Variants in KLF8 observed in about 807,000 individuals in gnomAD.
KLF8 encodes the protein KLF transcription factor 8.
Under a neutral mutation model 18.2 loss-of-function variants are expected in KLF8, and 10 were observed. The ratio of observed to expected loss-of-function variants is 0.55; its 90% CI spans 0.34 to 0.93. The LOEUF is 0.93. Among genes scored for constraint, KLF8 ranks in the 40% least tolerant of loss-of-function variants. The probability of loss-of-function intolerance (pLI) is 0.02; values close to 1 mark genes in which losing one functional copy is unlikely to be tolerated. For missense variants in KLF8, 264 were observed against 277.9 expected (o/e 0.95, Z 0.36); for synonymous variants, 109 against 97.3 (o/e 1.12, Z -0.71).
chrX:55,949,000 C>T, the KLF8 span, among the ~76,000 whole-genome samples: 1 of 111,696 alleles, frequency 9.0e-6, no homozygotes, highest in Non-Finnish European at 1.9e-5. Flanking sequence ...TAGACAGTTC[C>T]CTTTTTTCAT....
chrX:56,216,517 T>G, the KLF8 span, among the ~76,000 whole-genome samples: 23 of 98,288 alleles, frequency 2.3e-4, no homozygotes, highest in East Asian at 5.5e-3. Flanking sequence ...GCTGCTGATT[T>G]ATTTATTTAT....
chrX:56,080,813 C>T, the KLF8 span, among the ~76,000 whole-genome samples: 2 of 111,500 alleles, frequency 1.8e-5, no homozygotes, highest in South Asian at 3.8e-4. Context: ...GGTCTTTTCA[C>T]ATAGTCCCAT....
At chrX:56,022,551 C>CAAAAAAAAAA in the KLF8 span, among the ~76,000 whole-genome samples, 54 of 27,254 alleles carry the variant, frequency 2.0e-3, 7 homozygotes, top group African/African-American at 5.3e-3. Flanking sequence ...TCTGTCTGAC[C>CAAAAAAAAAA]AAAAAAAAAA....
the KLF8 span, among the ~76,000 whole-genome samples, chrX:56,189,332 C>A: frequency 8.9e-6 from 1 of 111,921 alleles, no homozygotes; most frequent in African/African-American, 3.3e-5. Flanking sequence ...TATTATCTCA[C>A]ACCAGTTAGA....
chrX:55,911,049 A>C, the KLF8 span, among the ~76,000 whole-genome samples: 7 of 112,210 alleles, frequency 6.2e-5, no homozygotes, highest in African/African-American at 2.3e-4. Context: ...TAATATAAAC[A>C]GTTAATTAAT....
At chrX:56,243,466 C>T in intron 1 of KLF8, 5 of 146,462 alleles carry the variant, frequency 3.4e-5, no homozygotes, top group Admixed American at 7.0e-5. Context: ...GGTGGTGGTT[C>T]TTATAATTTA....
the KLF8 span, among the ~76,000 whole-genome samples, chrX:56,153,480 C>T: frequency 9.0e-6 from 1 of 111,652 alleles, no homozygotes; most frequent in Non-Finnish European, 1.9e-5. Context: ...GTTGTTTTGG[C>T]TCAAACATAT....
chrX:56,058,165 TATATATATATACACACATATATATATAC>T, the KLF8 span, among the ~76,000 whole-genome samples: 2 of 91,274 alleles, frequency 2.2e-5, no homozygotes, highest in African/African-American at 8.4e-5. Context: ...TGGGCATATA[TATATATATATACACACATATATATATAC>T]ATATATATAT....
chrX:56,168,158 T>C, the KLF8 span, among the ~76,000 whole-genome samples: 1 of 112,081 alleles, frequency 8.9e-6, no homozygotes, highest in Non-Finnish European at 1.9e-5. Flanking sequence ...TAGGCAAAAT[T>C]GCTTAGGCTT....
chrX:56,092,687 G>C, the KLF8 span, among the ~76,000 whole-genome samples: 1 of 109,158 alleles, frequency 9.2e-6, no homozygotes, highest in Non-Finnish European at 1.9e-5. Flanking sequence ...GCCTGGAAAT[G>C]TATTTTGAAG....
chrX:56,257,072 GT>G (rs1432324007), intron 2 of KLF8, among the ~76,000 whole-genome samples: 1 of 111,629 alleles, frequency 9.0e-6, no homozygotes, highest in Non-Finnish European at 1.9e-5. Flanking sequence ...ATAAATTAAT[GT>G]TTTATAATAC....
the KLF8 span, among the ~76,000 whole-genome samples, chrX:56,163,481 A>T: frequency 1.8e-5 from 2 of 111,734 alleles, no homozygotes; most frequent in East Asian, 5.6e-4. Flanking sequence ...TTCCTTATAG[A>T]TATTGGATAT....
At chrX:56,169,334 T>C in the KLF8 span, among the ~76,000 whole-genome samples, 1 of 110,908 alleles carries the variant, frequency 9.0e-6, no homozygotes, top group Non-Finnish European at 1.9e-5. Context: ...AAAGGGGACT[T>C]TGTTTTGCAC....
chrX:56,138,862 C>T, the KLF8 span, among the ~76,000 whole-genome samples: 1 of 110,921 alleles, frequency 9.0e-6, no homozygotes. Flanking sequence ...CAAATACGAA[C>T]AGAAGAAATC....
the KLF8 span, among the ~76,000 whole-genome samples, chrX:55,929,826 CT>C: frequency 6.4e-5 from 6 of 94,205 alleles, no homozygotes; most frequent in Non-Finnish European, 4.3e-5. Flanking sequence ...TTTTTTTTTT[CT>C]TTTTTTTTTC....
chrX:56,092,217 A>T, the KLF8 span, among the ~76,000 whole-genome samples: 1 of 111,457 alleles, frequency 9.0e-6, no homozygotes, highest in Admixed American at 9.5e-5. Context: ...TCCAGATATT[A>T]GTCCCCTGTT....
the KLF8 span, among the ~76,000 whole-genome samples, chrX:55,969,145 A>G: frequency 8.9e-6 from 1 of 112,075 alleles, no homozygotes; most frequent in Non-Finnish European, 1.9e-5. Context: ...GAATGGCTGC[A>G]GGATATACAT....
intron 5 of KLF8, among the ~76,000 whole-genome samples, chrX:56,271,568 A>C: frequency 8.9e-6 from 1 of 111,779 alleles, no homozygotes; most frequent in Non-Finnish European, 1.9e-5. Context: ...GAATTTGTGT[A>C]GAAGGACCCA....
the KLF8 span, among the ~76,000 whole-genome samples, chrX:56,082,854 A>G: frequency 6.3e-5 from 7 of 111,297 alleles, no homozygotes; most frequent in African/African-American, 2.0e-4. Flanking sequence ...TAAATATATC[A>G]TTTTGCTGTC....
Sources: allele counts gnomAD v4.1 joint callset (sites outside exome capture counted in the v4.1 genomes callset), GRCh38; gene constraint gnomAD v4.1.1; transcripts MANE v1.5; gene names NCBI Gene and HGNC (gene_info 2026-07-23, HGNC 2026-07-21).